The following CLEC12A variants were observed in gnomAD, a reference collection of about 807,000 sequenced individuals.
CLEC12A encodes C-type lectin protein CLL-1.
Under a neutral mutation model 26.5 loss-of-function variants are expected in CLEC12A, and 22 were observed. The observed-to-expected ratio is 0.83, with a 90% confidence interval of 0.59 to 1.19. CLEC12A has a LOEUF of 1.19. Among genes scored for constraint, CLEC12A ranks in the 50% most tolerant of loss-of-function variants. The pLI is 0.00. For missense variants in CLEC12A, 353 were observed against 315.6 expected, an observed-to-expected ratio of 1.12 and a Z score of -0.90; for synonymous variants, 119 against 101.9, an observed-to-expected ratio of 1.17 and a Z score of -1.01.
upstream of CLEC12A, among the ~76,000 whole-genome samples, chr12:9,970,218 AT>A (rs11325042): frequency 0.56 from 84,366 of 151,188 alleles, 23,786 homozygotes; most frequent in South Asian, 0.72. Flanking sequence ...ATGTTTTTCT[AT>A]TTTTTTCTTT....
chr12:9,971,605 A>AG lies in CLEC12A; in HGVS notation c.10dup (p.Glu4GlyfsTer14). ...TCTTTACATATTCATCAATGTCTGA[A>AG]GAAGTTACTTATGCAGATCTTCAAT... is the stretch of plus-strand genomic sequence containing the variant. On this transcript the variant is annotated frameshift_variant, in exon 1 of 6. Coordinates refer to ENST00000304361, the MANE Select transcript of CLEC12A (RefSeq NM_138337.6). LOFTEE classifies it high-confidence loss of function. 1 of 1,606,004 alleles carries AG rather than the reference A, an allele frequency of 6.2e-7. No individual in the cohort carries two copies.
At chr12:9,986,973 T>C (rs1048611412), downstream of CLEC12A, among the ~76,000 whole-genome samples, 3 of 152,224 alleles carry the variant, frequency 2.0e-5, no homozygotes, top group African/African-American at 7.2e-5. Flanking sequence ...AAAAGATGCT[T>C]TTTGAATTTA....
At chr12:9,968,400 T>C (rs992628189), upstream of CLEC12A, among the ~76,000 whole-genome samples, 4 of 152,014 alleles carry the variant, frequency 2.6e-5, no homozygotes, top group Admixed American at 2.6e-4. Flanking sequence ...GGGGCTGTTT[T>C]ATAAGATTTG....
intron 1 of CLEC12A, among the ~76,000 whole-genome samples, chr12:9,954,451 C>T (rs1863709015): frequency 6.6e-6 from 1 of 151,872 alleles, no homozygotes; most frequent in Non-Finnish European, 1.5e-5. Context: ...GCCTTGATCA[C>T]ACCACTGCAC....
chr12:9,981,048 C>G (rs1565561336), intron 4 of CLEC12A, among the ~76,000 whole-genome samples: 1 of 152,118 alleles, frequency 6.6e-6, no homozygotes, highest in African/African-American at 2.4e-5. Flanking sequence ...TATCTAAAAA[C>G]AGAGGATACA....
chr12:9,986,414 T>TCC (rs34237394), downstream of CLEC12A, among the ~76,000 whole-genome samples: 1,805 of 117,372 alleles, frequency 0.015, 25 homozygotes, highest in Non-Finnish European at 0.025. Flanking sequence ...AATTCCTTTA[T>TCC]CCCCCCCCCC....
chr12:9,982,207 A>G (rs1864588586), intron 5 of CLEC12A, 78 bp downstream of exon 5: 1 of 723,988 alleles, frequency 1.4e-6, no homozygotes, highest in Non-Finnish European at 2.4e-6. Flanking sequence ...GTAGATTCAA[A>G]TTAAAACCAG....
At chr12:9,993,441 C>A in intron 4 of CLEC12A, 1 of 684,072 alleles carries the variant, frequency 1.5e-6, no homozygotes, top group Admixed American at 2.6e-5. Flanking sequence ...TGAGAAAGTT[C>A]CACCCTGCTT....
chr12:9,989,281 T>C (rs1864840522), downstream of CLEC12A, among the ~76,000 whole-genome samples: 1 of 151,510 alleles, frequency 6.6e-6, no homozygotes, highest in South Asian at 2.1e-4. Context: ...AGTTAATGGG[T>C]GCAGCACACC....
chr12:9,974,295 G>T (rs1203415059), intron 1 of CLEC12A, among the ~76,000 whole-genome samples: 1 of 152,052 alleles, frequency 6.6e-6, no homozygotes, highest in South Asian at 2.1e-4. Context: ...CCTCCTAGAT[G>T]AAACTCTACA....
chr12:9,999,979 T>A (rs10505742), downstream of CLEC12A, among the ~76,000 whole-genome samples: 3,483 of 152,322 alleles, frequency 0.023, 56 homozygotes, highest in Non-Finnish European at 0.036. Context: ...TTTTACATTA[T>A]TTTAGCTTGC....
At chr12:9,997,176 T>C (rs1356362774), downstream of CLEC12A, 1 of 1,614,046 alleles carries the variant, frequency 6.2e-7, no homozygotes, top group East Asian at 2.2e-5. Flanking sequence ...TGCCCTTTAG[T>C]TCTGATTGTT....
At chr12:10,000,294 T>C (rs1393260429), downstream of CLEC12A, among the ~76,000 whole-genome samples, 2 of 152,254 alleles carry the variant, frequency 1.3e-5, no homozygotes, top group African/African-American at 4.8e-5. Context: ...CCGTAGATTT[T>C]TTCTCCCCTG....
At chr12:9,976,787 G>A (rs1005277114) in intron 1 of CLEC12A, among the ~76,000 whole-genome samples, 1 of 152,296 alleles carries the variant, frequency 6.6e-6, no homozygotes, top group Middle Eastern at 3.4e-3. Flanking sequence ...TCCACGTGTT[G>A]TTGGAGGGAC....
At chr12:9,995,421 TA>T (rs1037657652) in exon 5 of CLEC12A, 11 of 609,484 alleles carry the variant, frequency 1.8e-5, no homozygotes, top group Non-Finnish European at 2.7e-5. Context: ...TCTGAGAACT[TA>T]AAAAAAACTT....
chr12:9,983,622 C>T lies in CLEC12A; in HGVS notation c.642-1248C>T, dbSNP rs1864647823. The T allele has an allele frequency of 2.7e-5, 17 of 631,954 alleles. No homozygotes were observed. The South Asian group carries it at 2.9e-4, about 11-fold the overall frequency. 39.1% of individuals were successfully genotyped at this position (631,954 alleles called of 1,614,324 possible). A position where few individuals can be genotyped will look rare whatever the true frequency, so the allele number is the denominator to read the frequency against. ...ACACGTTTTTAGTATATACTTTTAG[C>T]AGGAGACAGCTCTGAGTCAACTGTG... is the stretch of plus-strand genomic sequence containing the variant. On this transcript the variant is annotated intron_variant, in intron 5 of 5. Transcript: ENST00000304361.
chr12:10,002,188 A>G, the CLEC12A span, among the ~76,000 whole-genome samples: 1 of 152,120 alleles, frequency 6.6e-6, no homozygotes, highest in Non-Finnish European at 1.5e-5. Flanking sequence ...GCCTAAAAAA[A>G]TTCTTTATTC....
At chr12:9,985,719 A>T (rs1430835582), downstream of CLEC12A, 2 of 357,632 alleles carry the variant, frequency 5.6e-6, no homozygotes, top group Non-Finnish European at 5.0e-6. Context: ...ATATATAGAT[A>T]GATATGTTTA....
At chr12:9,951,455 C>T (rs945944799) in intron 1 of CLEC12A, 10 of 699,196 alleles carry the variant, frequency 1.4e-5, no homozygotes, top group African/African-American at 5.2e-5. Context: ...GGCCAACTGA[C>T]GGAGAGAGGA....
Sources: allele counts gnomAD v4.1 joint callset (sites outside exome capture counted in the v4.1 genomes callset), GRCh38; gene constraint gnomAD v4.1.1; transcripts MANE v1.5; gene names NCBI Gene and HGNC (gene_info 2026-07-23, HGNC 2026-07-21).